Variants in AKT1 observed in about 807,000 individuals in gnomAD.
AKT1 encodes AKT serine/threonine kinase 1.
AKT1 carries 21 observed loss-of-function variants against 63.1 expected under a neutral mutation model. That is an observed-to-expected ratio of 0.33 (90% CI 0.24 to 0.48). The LOEUF (loss-of-function observed/expected upper bound fraction) is 0.48, where lower values mean the gene tolerates loss of function less well. Among genes scored for constraint, AKT1 ranks in the 20% least tolerant of loss-of-function variants. AKT1 has a pLI of 0.99. For missense variants in AKT1, 382 were observed against 666.0 expected (o/e 0.57, Z 4.69); for synonymous variants, 257 against 253.1 (o/e 1.02, Z -0.15).
At chr14:104,774,815 G>A (rs568569337) in intron 8 of AKT1, 123 bp downstream of exon 8, 606 of 1,085,030 alleles carry the variant, frequency 5.6e-4, no homozygotes, top group Non-Finnish European at 7.2e-4. Context: ...TCTCACCAGC[G>A]GCGGAGTCCA....
At chr14:104,792,824 A>G in intron 2 of AKT1, 102 bp from the exon 3 acceptor site, 1 of 693,296 alleles carries the variant, frequency 1.4e-6, no homozygotes, top group East Asian at 2.7e-5. Context: ...TGGGGGCTCC[A>G]CCCGCACCTG....
At position 104,769,636 on chromosome 14, in the gene AKT1, A is replaced by T. The variant is rs1365590744; in HGVS notation, c.*705T>A. Reference sequence around the variant, plus strand: ...GGACAGTCACCAAGAACTGTGACACAGAAGGGGAAGGGGGAGGGCTTTCCT... The same window carrying T: ...GGACAGTCACCAAGAACTGTGACACTGAAGGGGAAGGGGGAGGGCTTTCCT... On this transcript the variant is annotated 3_prime_UTR_variant, in exon 15 of 15. Coordinates refer to ENST00000649815, the MANE Select transcript of AKT1 (RefSeq NM_001382430.1). The T allele has an allele frequency of 3.9e-6, 2 of 514,482 alleles. No homozygotes were observed. 31.9% of individuals were successfully genotyped at this position (514,482 alleles called of 1,614,324 possible).
At chr14:104,770,594 G>A (rs1892328986) in intron 14 of AKT1, 151 bp downstream of exon 14, 20 of 920,342 alleles carry the variant, frequency 2.2e-5, no homozygotes, top group Non-Finnish European at 2.9e-5. Flanking sequence ...TCAGAGCACT[G>A]CCTCCCACCC....
Position 104,770,230 on chromosome 14 carries a change from C to T in AKT1, c.*111G>A, listed in dbSNP as rs1190755940. Reference sequence around the variant, plus strand: ...TTTCCATCTGGGCTCGAGAGGACAGCGTGGCTTCTCTCAAATGCACCCGAG... The same window carrying T: ...TTTCCATCTGGGCTCGAGAGGACAGTGTGGCTTCTCTCAAATGCACCCGAG... On this transcript the variant is annotated 3_prime_UTR_variant, in exon 15 of 15. Transcript: ENST00000649815. 7 of 1,211,712 alleles carry T rather than the reference C, an allele frequency of 5.8e-6. No homozygotes were observed. Among genetic ancestry groups the T allele is most frequent in the Non-Finnish European group, 8.2e-6 (7 of 851,650 alleles). 75.1% of individuals were successfully genotyped at this position (1,211,712 alleles called of 1,614,324 possible).
intron 1 of AKT1, 72 bp from the exon 2 acceptor site, chr14:104,793,376 C>G (rs2141010205): frequency 4.8e-6 from 1 of 207,244 alleles, no homozygotes; most frequent in Admixed American, 5.9e-5. Context: ...AAACGGGAGT[C>G]CAGAGCCCTC....
At chr14:104,774,237 C>G in intron 8 of AKT1, 1 of 548,258 alleles carries the variant, frequency 1.8e-6, no homozygotes, top group Non-Finnish European at 3.3e-6. Context: ...TGCCCCACAC[C>G]ACACTGCCCC....
intron 8 of AKT1, 34 bp downstream of exon 8, chr14:104,774,904 C>T (rs375396409): frequency 2.5e-6 from 4 of 1,597,746 alleles, no homozygotes; most frequent in Non-Finnish European, 3.4e-6. Flanking sequence ...CTACCTGGCC[C>T]CAGCCCTTCA....
chr14:104,774,377 AG>A, intron 8 of AKT1: 1 of 287,948 alleles, frequency 3.5e-6, no homozygotes, highest in Non-Finnish European at 6.8e-6. Flanking sequence ...GGACCTCAGC[AG>A]GGGACAGTGC....
rs532287543 is a variant in AKT1, at chr14:104,794,402, G to A, written c.-258+1082C>T. 2.6e-5 allele frequency: 4 copies of A among 152,396 alleles called. No homozygotes were observed. In the South Asian group the frequency reaches 8.3e-4, roughly 32 times the overall value. The allele number at this position is 152,396 out of a possible 1,614,324, so 9.4% of individuals were successfully genotyped here. ...TAAAAATACATCTGTGCTCACACAGGGTGGTGTACGTCTGCACAGAAACGT... is the reference window on the plus strand; with the variant it reads ...TAAAAATACATCTGTGCTCACACAGAGTGGTGTACGTCTGCACAGAAACGT... On this transcript the variant is annotated intron_variant, in intron 1 of 14. Coordinates refer to ENST00000649815, the MANE Select transcript of AKT1 (RefSeq NM_001382430.1).
At chr14:104,774,087 C>A (rs1182202609) in intron 8 of AKT1, 107 bp from the exon 9 acceptor site, 2 of 1,048,066 alleles carry the variant, frequency 1.9e-6, no homozygotes, top group East Asian at 2.6e-5. Context: ...GATACCACAC[C>A]GCCCGTAGCC....
At chr14:104,770,921 A>G in intron 13 of AKT1, 74 bp from the exon 14 acceptor site, 1 of 1,361,246 alleles carries the variant, frequency 7.3e-7, no homozygotes, top group Non-Finnish European at 1.0e-6. Context: ...TGTGCTCAAG[A>G]CCTTCAAAGC....
In AKT1 at chr14:104,777,077, G is replaced by A. The variant is rs143588930; in HGVS notation, c.176-307C>T. On this transcript the variant is annotated intron_variant, in intron 4 of 14. Coordinates refer to ENST00000649815, the MANE Select transcript of AKT1 (RefSeq NM_001382430.1). The stretch of plus-strand genomic sequence containing the variant: ...CTTCAGTCTCTGAGCCCCGCCGTGC[G>A]CCAGGCCTCAGAGGATGAGGGGTAT... The A allele has an allele frequency of 7.8e-4, 267 of 341,834 alleles. 1 individual carries two copies. The highest frequency in any genetic ancestry group is 5.1e-3 in the African/African-American group (242 of 47,030). The allele number at this position is 341,834 out of a possible 1,614,324, so 21.2% of individuals were successfully genotyped here. A position where few individuals can be genotyped will look rare whatever the true frequency, so the allele number is the denominator to read the frequency against.
chr14:104,781,368 G>A (rs999292699), intron 3 of AKT1, among the ~76,000 whole-genome samples: 3 of 152,128 alleles, frequency 2.0e-5, no homozygotes, highest in Admixed American at 2.0e-4. Flanking sequence ...CCCATCACCA[G>A]ACCACCCACC....
intron 3 of AKT1, among the ~76,000 whole-genome samples, chr14:104,781,422 G>A (rs1463268284): frequency 6.6e-6 from 1 of 152,194 alleles, no homozygotes; most frequent in Non-Finnish European, 1.5e-5. Flanking sequence ...GACGCGTCCA[G>A]CCCTCCCTGG....
At chr14:104,792,042 C>G (rs1431354356) in intron 3 of AKT1, among the ~76,000 whole-genome samples, 2 of 152,218 alleles carry the variant, frequency 1.3e-5, no homozygotes, top group Non-Finnish European at 2.9e-5. Context: ...GCCCCTCGGG[C>G]AGCACCTCCT....
At chr14:104,774,597 G>A (rs1447606625) in intron 8 of AKT1, 1 of 355,156 alleles carries the variant, frequency 2.8e-6, no homozygotes, top group African/African-American at 2.1e-5. Context: ...CCCCAGAACA[G>A]GTTCTGCAGG....
At chr14:104,782,111 G>A (rs1893084374) in intron 3 of AKT1, among the ~76,000 whole-genome samples, 1 of 151,782 alleles carries the variant, frequency 6.6e-6, no homozygotes, top group African/African-American at 2.4e-5. Context: ...GGCCCCTGCA[G>A]GTGCAGCGGG....
intron 3 of AKT1, 141 bp from the exon 4 acceptor site, chr14:104,780,357 T>C: frequency 1.7e-6 from 2 of 1,190,942 alleles, no homozygotes; most frequent in South Asian, 3.2e-5. Flanking sequence ...ACGGGAGCTG[T>C]TTCTTAGGGC....
chr14:104,775,613 G>A (rs1892654500), intron 6 of AKT1, 39 bp downstream of exon 6: 2 of 1,607,450 alleles, frequency 1.2e-6, no homozygotes, highest in Non-Finnish European at 1.7e-6. Context: ...ACAGTCCAAG[G>A]CAGCCCCAGG....
Sources: gnomAD v4.1 joint callset for allele counts (sites outside exome capture counted in the v4.1 genomes callset) on GRCh38, gnomAD v4.1.1 for gene constraint, MANE v1.5 for transcripts, NCBI Gene and HGNC (gene_info 2026-07-23, HGNC 2026-07-21) for gene names.